The following MIPOL1 variants were observed in gnomAD, a reference collection of about 807,000 sequenced individuals.
MIPOL1 encodes mirror-image polydactyly 1, also known as mirror-image polydactyly gene 1 protein.
In MIPOL1, 57 loss-of-function variants were observed where a neutral mutation model predicts 60.9. That is an observed-to-expected ratio of 0.94 (90% CI 0.76 to 1.17). The LOEUF (loss-of-function observed/expected upper bound fraction) is 1.17. Ranked by LOEUF, MIPOL1 falls within the 50% of genes most tolerant of loss-of-function variation. The probability of loss-of-function intolerance (pLI) is 0.00; values close to 1 mark genes in which losing one functional copy is unlikely to be tolerated. For missense variants in MIPOL1, 551 were observed against 511.6 expected, an observed-to-expected ratio of 1.08 and a Z score of -0.74; for synonymous variants, 179 against 168.8, an observed-to-expected ratio of 1.06 and a Z score of -0.47.
chr14:37,431,579 T>TTTC (rs2094068068), intron 11 of MIPOL1, among the ~76,000 whole-genome samples: 1 of 109,926 alleles, frequency 9.1e-6, no homozygotes, highest in Non-Finnish European at 1.9e-5. Context: ...CTTTTTTTTT[T>TTTC]TTTTTTTTTT....
At chr14:37,441,658 A>C (rs2094247200) in intron 11 of MIPOL1, among the ~76,000 whole-genome samples, 1 of 152,038 alleles carries the variant, frequency 6.6e-6, no homozygotes, top group African/African-American at 2.4e-5. Flanking sequence ...ATTTGAAGTC[A>C]AGTAACATAA....
intron 9 of MIPOL1, among the ~76,000 whole-genome samples, chr14:37,355,503 T>G (rs1595355779): frequency 6.6e-6 from 1 of 151,422 alleles, no homozygotes; most frequent in Non-Finnish European, 1.5e-5. Context: ...GCAGAGTGTT[T>G]TCCAACTTGG....
At chr14:37,386,911 G>T (rs1350530267) in intron 10 of MIPOL1, among the ~76,000 whole-genome samples, 1 of 151,832 alleles carries the variant, frequency 6.6e-6, no homozygotes, top group African/African-American at 2.4e-5. Flanking sequence ...GCTTTTCAAT[G>T]GATTTGAAAT....
At chr14:37,233,123 G>T (rs1430146313) in intron 1 of MIPOL1, among the ~76,000 whole-genome samples, 1 of 152,104 alleles carries the variant, frequency 6.6e-6, no homozygotes, top group Non-Finnish European at 1.5e-5. Context: ...GTATTTTATT[G>T]TGATGAAATG....
intron 9 of MIPOL1, among the ~76,000 whole-genome samples, chr14:37,318,812 T>TTAG (rs1202716144): frequency 0.03 from 4,168 of 140,570 alleles, 81 homozygotes; most frequent in East Asian, 0.049. Flanking sequence ...TATTTATTTA[T>TTAG]TTATTTATTT....
chr14:37,245,997 T>A (rs1287948483), intron 1 of MIPOL1, among the ~76,000 whole-genome samples: 1 of 152,156 alleles, frequency 6.6e-6, no homozygotes, highest in East Asian at 1.9e-4. Flanking sequence ...CTTGTTAGTC[T>A]TTACATTTTG....
chr14:37,298,659 AAAG>A (rs1381529302), intron 7 of MIPOL1, among the ~76,000 whole-genome samples: 2 of 152,244 alleles, frequency 1.3e-5, no homozygotes, highest in Non-Finnish European at 2.9e-5. Context: ...ACACTTCTCA[AAAG>A]AAGACATTTA....
intron 10 of MIPOL1, among the ~76,000 whole-genome samples, chr14:37,375,544 T>C (rs1263283846): frequency 6.6e-6 from 1 of 152,176 alleles, no homozygotes; most frequent in Non-Finnish European, 1.5e-5. Context: ...CAGTTGGAAC[T>C]GTCCAATGTA....
intron 11 of MIPOL1, among the ~76,000 whole-genome samples, chr14:37,450,357 A>G (rs905842913): frequency 1.3e-5 from 2 of 152,180 alleles, no homozygotes; most frequent in African/African-American, 4.8e-5. Flanking sequence ...TTCCTCTTCA[A>G]GTAATTTCCA....
chr14:37,387,990 T>C (rs1181739472), intron 10 of MIPOL1, among the ~76,000 whole-genome samples: 1 of 151,936 alleles, frequency 6.6e-6, no homozygotes, highest in Non-Finnish European at 1.5e-5. Flanking sequence ...CTTAAAACGA[T>C]GCAAATGTTT....
intron 3 of MIPOL1, among the ~76,000 whole-genome samples, chr14:37,248,195 G>T (rs1260749648): frequency 2.0e-5 from 3 of 151,846 alleles, no homozygotes; most frequent in Non-Finnish European, 4.4e-5. Flanking sequence ...CCAGGAAATA[G>T]AAACACGCCT....
intron 11 of MIPOL1, among the ~76,000 whole-genome samples, chr14:37,444,797 G>T (rs2094306573): frequency 6.6e-6 from 1 of 152,078 alleles, no homozygotes; most frequent in Admixed American, 6.6e-5. Flanking sequence ...ATGTAATCCG[G>T]CATATAAACA....
chr14:37,246,926 G>A (rs905387672), intron 1 of MIPOL1, among the ~76,000 whole-genome samples, 177 bp from the exon 2 acceptor site: 15 of 151,990 alleles, frequency 9.9e-5, no homozygotes, highest in Non-Finnish European at 4.4e-5. Context: ...AGGCCTGTAA[G>A]ACATGTTTTA....
At chr14:37,354,168 A>G (rs1251801119) in intron 9 of MIPOL1, among the ~76,000 whole-genome samples, 7 of 151,544 alleles carry the variant, frequency 4.6e-5, no homozygotes, top group Non-Finnish European at 5.9e-5. Flanking sequence ...TTATCTACCC[A>G]GTAGTCATTC....
chr14:37,211,917 C>G (rs926857075), intron 1 of MIPOL1, among the ~76,000 whole-genome samples: 1 of 151,940 alleles, frequency 6.6e-6, no homozygotes, highest in South Asian at 2.1e-4. Flanking sequence ...GAGTTGTGAG[C>G]CCCACTCCAC....
intron 6 of MIPOL1, chr14:37,278,390 G>A (rs962220792): frequency 1.3e-5 from 2 of 151,598 alleles, no homozygotes; most frequent in Non-Finnish European, 3.0e-5. Context: ...ATATTTGCAA[G>A]AAATGAATTT....
chr14:37,445,604 C>T (rs1234420897), intron 11 of MIPOL1, among the ~76,000 whole-genome samples: 22 of 151,542 alleles, frequency 1.5e-4, no homozygotes, highest in Middle Eastern at 3.4e-3. Context: ...AAAAAGAGCC[C>T]GCATCGCCAA....
intron 1 of MIPOL1, among the ~76,000 whole-genome samples, chr14:37,216,715 T>C (rs962189614): frequency 2.6e-5 from 4 of 152,092 alleles, no homozygotes; most frequent in East Asian, 1.9e-4. Flanking sequence ...AAGAAGAAAA[T>C]TGAAAAATTT....
chr14:37,273,132 T>G (rs570797407), intron 6 of MIPOL1, among the ~76,000 whole-genome samples: 69 of 151,240 alleles, frequency 4.6e-4, no homozygotes, highest in South Asian at 3.5e-3. Flanking sequence ...TTGTAATAAT[T>G]AAGAATATTT....
Sources: allele counts gnomAD v4.1 joint callset (sites outside exome capture counted in the v4.1 genomes callset), GRCh38; gene constraint gnomAD v4.1.1; transcripts MANE v1.5; gene names NCBI Gene and HGNC (gene_info 2026-07-23, HGNC 2026-07-21).